STAG1: variants seen among roughly 807,000 people sequenced by gnomAD.
The protein encoded by STAG1 is cohesin subunit SA-1.
STAG1 carries 26 observed loss-of-function variants against 170.9 expected under a neutral mutation model. The observed-to-expected ratio is 0.15, with a 90% CI of 0.11 to 0.21. The LOEUF is 0.21. STAG1 is among the 10% of genes least tolerant of loss of function. STAG1 has a pLI of 1.00. For missense variants in STAG1, 964 were observed against 1,509.5 expected (o/e 0.64, Z 5.99); for synonymous variants, 514 against 497.7 (o/e 1.03, Z -0.44).
intron 10 of STAG1, among the ~76,000 whole-genome samples, chr3:136,475,942 TG>T (rs1430740924): frequency 6.6e-6 from 1 of 152,114 alleles, no homozygotes; most frequent in Non-Finnish European, 1.5e-5. Context: ...AGCACTAAAT[TG>T]TAAGTGTGAC....
intron 3 of STAG1, chr3:136,609,081 TG>T: frequency 6.6e-6 from 1 of 151,794 alleles, no homozygotes. Flanking sequence ...TAAACAGAGG[TG>T]GAAGTCAAAG....
At chr3:136,647,483 C>T (rs1471511150) in intron 1 of STAG1, among the ~76,000 whole-genome samples, 5 of 151,996 alleles carry the variant, frequency 3.3e-5, no homozygotes, top group East Asian at 1.9e-4. Context: ...GCAGGAGACT[C>T]GCTTGAACCC....
At chr3:136,490,465 T>C (rs992635683) in intron 9 of STAG1, among the ~76,000 whole-genome samples, 24 of 152,312 alleles carry the variant, frequency 1.6e-4, no homozygotes, top group Middle Eastern at 3.4e-3. Flanking sequence ...AAGAGTCTCA[T>C]ACAGAGAAGG....
At chr3:136,722,120 G>A (rs1933313406) in intron 1 of STAG1, among the ~76,000 whole-genome samples, 1 of 151,634 alleles carries the variant, frequency 6.6e-6, no homozygotes, top group South Asian at 2.1e-4. Flanking sequence ...CTACTTAGGA[G>A]GCTGAGATGG....
At chr3:136,742,048 G>A (rs1934697532) in intron 1 of STAG1, among the ~76,000 whole-genome samples, 1 of 152,170 alleles carries the variant, frequency 6.6e-6, no homozygotes, top group Admixed American at 6.5e-5. Context: ...CAAAATGAGT[G>A]AGAAAAACTT....
chr3:136,650,730 A>C (rs919368741), intron 1 of STAG1, among the ~76,000 whole-genome samples: 1 of 152,180 alleles, frequency 6.6e-6, no homozygotes, highest in Non-Finnish European at 1.5e-5. Context: ...ACAAGTATAA[A>C]GCTCTTATGA....
rs764682827 is a variant in STAG1, at chr3:136,563,117, G to T, written c.394+5648C>A. 5.9e-5 allele frequency among the ~76,000 whole-genome samples: 9 copies of T among 152,226 alleles called. No homozygotes were observed. In the South Asian group the frequency reaches 1.2e-3, roughly 21 times the overall value. ...AATGTTTGCTTTTATCATTTGTTAA[G>T]GTGCTATCTATCAAGTTTCTACATT... On this transcript the variant is annotated intron_variant, in intron 5 of 33. Transcript: ENST00000383202.
chr3:136,476,474 G>A (rs925605239), intron 10 of STAG1, among the ~76,000 whole-genome samples: 2 of 152,188 alleles, frequency 1.3e-5, no homozygotes, highest in East Asian at 1.9e-4. Context: ...CAGGGGGCAA[G>A]ACAGGTGGAA....
At chr3:136,617,920 T>A (rs2107824895) in intron 3 of STAG1, among the ~76,000 whole-genome samples, 1 of 152,342 alleles carries the variant, frequency 6.6e-6, no homozygotes, top group South Asian at 2.1e-4. Flanking sequence ...AAGATCCAAT[T>A]TTTATAAGTG....
chr3:136,741,658 G>C (rs528161620), intron 1 of STAG1, among the ~76,000 whole-genome samples: 22 of 152,050 alleles, frequency 1.4e-4, no homozygotes, highest in Non-Finnish European at 2.8e-4. Context: ...AGTAGAGATG[G>C]GGTTTCTCCA....
intron 25 of STAG1, among the ~76,000 whole-genome samples, chr3:136,364,709 T>C (rs1274315238): frequency 6.6e-6 from 1 of 152,208 alleles, no homozygotes; most frequent in African/African-American, 2.4e-5. Flanking sequence ...TTTAAATAAT[T>C]TTTTCTGTGA....
At chr3:136,416,314 C>G (rs941228370) in intron 21 of STAG1, among the ~76,000 whole-genome samples, 3 of 152,134 alleles carry the variant, frequency 2.0e-5, no homozygotes, top group African/African-American at 7.2e-5. Flanking sequence ...CCCCTAAAGC[C>G]ACAAAACTTT....
intron 21 of STAG1, among the ~76,000 whole-genome samples, chr3:136,403,924 T>C (rs1383341922): frequency 6.6e-6 from 1 of 152,226 alleles, no homozygotes; most frequent in East Asian, 1.9e-4. Context: ...CTGCATTACC[T>C]TAAAATAAAA....
intron 14 of STAG1, among the ~76,000 whole-genome samples, chr3:136,448,264 T>C (rs1480008874): frequency 2.0e-5 from 3 of 152,208 alleles, no homozygotes; most frequent in Non-Finnish European, 4.4e-5. Flanking sequence ...CCCAGGTAAA[T>C]GTCTGTGTAC....
chr3:136,345,042 C>T (rs1467905888), intron 29 of STAG1, among the ~76,000 whole-genome samples: 6 of 152,016 alleles, frequency 3.9e-5, no homozygotes, highest in Non-Finnish European at 8.8e-5. Context: ...CTTAAGTTTT[C>T]CAGGGGCTAC....
At chr3:136,370,284 G>A (rs1460142662) in intron 23 of STAG1, among the ~76,000 whole-genome samples, 1 of 152,054 alleles carries the variant, frequency 6.6e-6, no homozygotes, top group Non-Finnish European at 1.5e-5. Context: ...CATGTGGGAG[G>A]TGGAAGACAC....
chr3:136,492,133 TAATC>T (rs1212329903), intron 9 of STAG1, among the ~76,000 whole-genome samples: 2 of 152,246 alleles, frequency 1.3e-5, no homozygotes, highest in South Asian at 2.1e-4. Context: ...TATCTCCTAT[TAATC>T]AATAATGTAG....
intron 22 of STAG1, among the ~76,000 whole-genome samples, chr3:136,385,016 G>GC (rs1321054391): frequency 6.6e-6 from 1 of 152,172 alleles, no homozygotes; most frequent in Non-Finnish European, 1.5e-5. Context: ...GGTGAATACA[G>GC]AAGAGTAATC....
intron 23 of STAG1, among the ~76,000 whole-genome samples, chr3:136,370,707 T>C (rs1420499121): frequency 6.6e-6 from 1 of 152,372 alleles, no homozygotes; most frequent in East Asian, 1.9e-4. Context: ...TTTTTATGGC[T>C]GCATAGTATT....
Sources: gnomAD v4.1 joint callset for allele counts (sites outside exome capture counted in the v4.1 genomes callset) on GRCh38, gnomAD v4.1.1 for gene constraint, MANE v1.5 for transcripts, NCBI Gene and HGNC (gene_info 2026-07-23, HGNC 2026-07-21) for gene names.